Variants in ANLN observed in about 807,000 individuals in gnomAD.
ANLN encodes the protein anillin.
Under a neutral mutation model 135.1 loss-of-function variants are expected in ANLN, and 59 were observed. The ratio of observed to expected loss-of-function variants is 0.44; its 90% CI spans 0.35 to 0.54. The LOEUF is 0.54. ANLN is among the 20% of genes least tolerant of loss of function. ANLN has a pLI of 0.00. For synonymous variants in ANLN, 406 were observed against 456.4 expected (o/e 0.89, Z 1.41); for missense variants, 1,182 against 1,340.0 (o/e 0.88, Z 1.84).
intron 21 of ANLN, among the ~76,000 whole-genome samples, chr7:36,443,399 A>G (rs529217388): frequency 1.6e-3 from 247 of 152,178 alleles, no homozygotes; most frequent in Non-Finnish European, 2.6e-3. Context: ...AAAATATATA[A>G]GGTATGGTAA....
Position 36,426,027 on chromosome 7 carries a change from C to G in ANLN, c.2761C>G (p.His921Asp). The G allele has an allele frequency of 6.7e-7, 1 of 1,487,934 alleles. No homozygotes were observed. The highest frequency in any genetic ancestry group is 1.3e-5 in the South Asian group (1 of 74,546). 92.2% of individuals were successfully genotyped at this position (1,487,934 alleles called of 1,614,324 possible). Residue 921 changes from histidine to aspartate, a missense_variant, in exon 19 of 24, where the codon CAT (histidine) becomes GAT (aspartate). Physicochemically the swap from His to Asp is moderately conservative, Grantham distance 81. Coordinates refer to ENST00000265748, the MANE Select transcript of ANLN (RefSeq NM_018685.5). ...TTTTTTTTTTTAGAAAAGCAACATTCATTCTTCAGGTGAGTGTATCTTGAA... is the reference window on the plus strand; with the variant it reads ...TTTTTTTTTTTAGAAAAGCAACATTGATTCTTCAGGTGAGTGTATCTTGAA... ...LTSITTKSNI[H>D]SSVMASPGGL...
rs767838462 is a variant in ANLN at position 36,425,662 on chromosome 7, TTAATAAGAAA to T, written c.2710-37_2710-28del. 6 of 1,460,788 alleles carry T rather than the reference TTAATAAGAAA, an allele frequency of 4.1e-6. No individual in the cohort carries two copies. In the South Asian group the frequency reaches 7.2e-5, roughly 17 times the overall value. 90.5% of individuals were successfully genotyped at this position (1,460,788 alleles called of 1,614,324 possible). On this transcript the variant is annotated intron_variant, in intron 17 of 23. Coordinates refer to ENST00000265748, the MANE Select transcript of ANLN (RefSeq NM_018685.5). The stretch of plus-strand genomic sequence containing the variant: ...AGTTTTACTTTCTGAGACATAATGT[TTAATAAGAAA>T]TATATATAGTAAGCTATCTTTTCTT...
At chr7:36,413,165 C>G (rs1787496168) in intron 7 of ANLN, among the ~76,000 whole-genome samples, 1 of 151,332 alleles carries the variant, frequency 6.6e-6, no homozygotes, top group Non-Finnish European at 1.5e-5. Flanking sequence ...CAGCATATAA[C>G]AAGCTATTAT....
intron 21 of ANLN, 34 bp from the exon 22 acceptor site, chr7:36,443,721 T>C: frequency 6.8e-7 from 1 of 1,473,944 alleles, no homozygotes; most frequent in African/African-American, 1.4e-5. Context: ...TTTCCTCAAC[T>C]TTCTAAAGCC....
intron 3 of ANLN, among the ~76,000 whole-genome samples, chr7:36,401,602 G>A (rs7806986): frequency 0.12 from 9,122 of 79,322 alleles, 1,272 homozygotes; most frequent in African/African-American, 0.16. Context: ...GCCTCCCAAA[G>A]TGCTGGGATT....
intron 20 of ANLN, among the ~76,000 whole-genome samples, chr7:36,437,852 A>G (rs1788610550): frequency 6.6e-6 from 1 of 151,282 alleles, no homozygotes; most frequent in Non-Finnish European, 1.5e-5. Flanking sequence ...GCACACTGCA[A>G]CCTCTGCCTC....
intron 18 of ANLN, 83 bp from the exon 19 acceptor site, chr7:36,425,932 A>G (rs1045144812): frequency 4.0e-6 from 5 of 1,240,700 alleles, no homozygotes; most frequent in Non-Finnish European, 5.7e-6. Flanking sequence ...GTTAAAAGAG[A>G]TGAGTGATTC....
intron 20 of ANLN, among the ~76,000 whole-genome samples, chr7:36,437,788 T>A (rs913007885): frequency 6.6e-6 from 1 of 152,122 alleles, no homozygotes; most frequent in African/African-American, 2.4e-5. Flanking sequence ...TAAAAATTTT[T>A]TTTTGAGAGT....
At chr7:36,448,001 A>G (rs1789084646) in intron 22 of ANLN, among the ~76,000 whole-genome samples, 1 of 151,754 alleles carries the variant, frequency 6.6e-6, no homozygotes. Flanking sequence ...ATATATACAT[A>G]TATGTTTCAC....
intron 2 of ANLN, 40 bp from the exon 3 acceptor site, chr7:36,399,039 T>C (rs1786822999): frequency 1.3e-6 from 2 of 1,529,810 alleles, no homozygotes; most frequent in Admixed American, 2.0e-5. Context: ...ATGTGAGAAA[T>C]TACAAATTTG....
chr7:36,416,123 C>T (rs147160545), intron 8 of ANLN, among the ~76,000 whole-genome samples: 580 of 152,226 alleles, frequency 3.8e-3, no homozygotes, highest in Admixed American at 7.2e-3. Flanking sequence ...CGGGTTCAAA[C>T]GATTTTCCTG....
rs1201123421 is a variant in ANLN at position 36,407,818 on chromosome 7, ACTC to A, written c.961_963del (p.Pro321del). ...ACAAAATCCTGAGCTACTTCCAAAA[ACTC>A]CTATTAGTCCTCTGAAAACGGGGGT... is the stretch of plus-strand genomic sequence containing the variant. On this transcript the variant is annotated inframe_deletion, in exon 5 of 24. Transcript: ENST00000265748. 1.2e-6 allele frequency: 2 copies of A among 1,613,696 alleles called. No individual in the cohort carries two copies. Among genetic ancestry groups the A allele is most frequent in the South Asian group, 1.1e-5 (1 of 91,068 alleles).
chr7:36,425,176 A>G (rs957797349), intron 17 of ANLN, among the ~76,000 whole-genome samples: 5 of 152,170 alleles, frequency 3.3e-5, no homozygotes, highest in African/African-American at 1.2e-4. Flanking sequence ...AGCTCTAACA[A>G]AAAAGGACTA....
In ANLN at chr7:36,422,737, G is replaced by A. The variant is rs1479789909; in HGVS notation, c.2404G>A (p.Gly802Arg). ...SPQSEFMPSK[G>R]SVTLSEIRLP... ...CCAAAGTGAATTTATGCCATCCAAA[G>A]GATCAGTTACTTTGTCAGAAATCCG... Residue 802 changes from glycine (G) to arginine (R), a missense_variant, in exon 14 of 24, where the codon GGA becomes AGA. Transcript: ENST00000265748. 6.2e-7 allele frequency: 1 copy of A among 1,613,652 alleles called. No homozygotes were observed. The highest frequency in any genetic ancestry group is 1.1e-5 in the South Asian group (1 of 90,992).
At chr7:36,417,842 A>G (rs1308772866) in intron 9 of ANLN, among the ~76,000 whole-genome samples, 2 of 151,710 alleles carry the variant, frequency 1.3e-5, no homozygotes, top group African/African-American at 4.8e-5. Flanking sequence ...ACACCCAGCT[A>G]ATTTTTGTAT....
chr7:36,435,223 A>G (rs1430806327), intron 20 of ANLN, among the ~76,000 whole-genome samples: 3 of 152,220 alleles, frequency 2.0e-5, no homozygotes, highest in South Asian at 4.1e-4. Flanking sequence ...CCTAGTCAAG[A>G]TAAGGGACAT....
intron 1 of ANLN, 105 bp downstream of exon 1, chr7:36,390,149 T>A: frequency 1.9e-6 from 3 of 1,586,444 alleles, no homozygotes; most frequent in South Asian, 1.1e-5. Flanking sequence ...GGAGGGCGCG[T>A]GTGTGCGCGC....
In ANLN at chr7:36,452,529, C is replaced by T; in HGVS notation, c.3304C>T (p.Leu1102Phe). ...AGAGCGGGATCTCTGGATGCAAAAA[C>T]TCAATCAAGTTCTTGTTGATATTCG... ...KEERDLWMQKLNQVLVDIRLW... is the reference protein window; with the variant it reads ...KEERDLWMQKFNQVLVDIRLW... The change falls in exon 24 of 24, where the codon CTC becomes TTC. Residue 1102 changes from leucine to phenylalanine, a missense_variant. Around this residue, in one of 3 missense-constraint regions of ANLN, gnomAD observed 78 missense variants for 72.7 expected, o/e 1.07. Transcript: ENST00000265748. 6.2e-7 allele frequency: 1 copy of T among 1,614,058 alleles called. No homozygotes were observed.
At chr7:36,411,304 T>G (rs183691658) in intron 7 of ANLN, 138 bp downstream of exon 7, 48 of 643,716 alleles carry the variant, frequency 7.5e-5, no homozygotes, top group African/African-American at 5.5e-4. Context: ...TATAAATCCC[T>G]TAAATGTGTG....
Sources: gnomAD v4.1 joint callset for allele counts (sites outside exome capture counted in the v4.1 genomes callset) on GRCh38, gnomAD v4.1.1 for gene constraint, gnomAD v4.1.1 regional missense constraint, MANE v1.5 for transcripts, NCBI Gene and HGNC (gene_info 2026-07-23, HGNC 2026-07-21) for gene names.